DLG2: variants seen among roughly 807,000 people sequenced by gnomAD.
The protein encoded by DLG2 is discs large MAGUK scaffold protein 2.
Under a neutral mutation model 132.5 loss-of-function variants are expected in DLG2, and 45 were observed. The observed-to-expected ratio is 0.34, with a 90% CI of 0.27 to 0.44. The LOEUF (loss-of-function observed/expected upper bound fraction) is 0.44, where lower values mean the gene tolerates loss of function less well. Among genes scored for constraint, DLG2 ranks in the 20% least tolerant of loss-of-function variants. DLG2 has a pLI of 1.00. For missense variants in DLG2, 1,045 were observed against 1,196.9 expected (o/e 0.87, Z 1.87); for synonymous variants, 424 against 419.6 (o/e 1.01, Z -0.13).
At chr11:84,951,281 C>T (rs1340877876) in intron 6 of DLG2, among the ~76,000 whole-genome samples, 1 of 152,120 alleles carries the variant, frequency 6.6e-6, no homozygotes, top group African/African-American at 2.4e-5. Flanking sequence ...GCAAGATCTT[C>T]ATCTTAAAGA....
At chr11:85,611,803 T>G (rs143643701) in intron 2 of DLG2, among the ~76,000 whole-genome samples, 16,186 of 152,264 alleles carry the variant, frequency 0.11, 1,095 homozygotes, top group East Asian at 0.29. Flanking sequence ...ATGGAGTTAT[T>G]GCACTCAGTG....
At chr11:84,031,721 G>A (rs972833463) in intron 11 of DLG2, among the ~76,000 whole-genome samples, 1 of 152,048 alleles carries the variant, frequency 6.6e-6, no homozygotes. Context: ...CAAAAACATA[G>A]TACAGGCCTA....
intron 6 of DLG2, among the ~76,000 whole-genome samples, chr11:84,972,750 A>C (rs1471509456): frequency 8.2e-6 from 1 of 121,510 alleles, no homozygotes; most frequent in Non-Finnish European, 1.7e-5. Context: ...CAGATTTCTT[A>C]AATTTACATC....
chr11:85,101,130 T>C (rs1465453575), intron 6 of DLG2, among the ~76,000 whole-genome samples: 1 of 152,118 alleles, frequency 6.6e-6, no homozygotes, highest in Admixed American at 6.6e-5. Context: ...TTGTTATTGC[T>C]TTTAACACTT....
chr11:85,266,743 T>C (rs2077236942), intron 4 of DLG2, among the ~76,000 whole-genome samples: 2 of 152,210 alleles, frequency 1.3e-5, no homozygotes, highest in African/African-American at 2.4e-5. Flanking sequence ...GTTGAAAGAA[T>C]GAAGAAATAA....
intron 6 of DLG2, among the ~76,000 whole-genome samples, chr11:84,875,511 A>AC (rs1302924026): frequency 6.6e-6 from 1 of 151,898 alleles, no homozygotes; most frequent in Non-Finnish European, 1.5e-5. Context: ...AAAAAAAAAA[A>AC]AACTCCACTG....
At chr11:85,095,148 T>G (rs1274424779) in intron 6 of DLG2, among the ~76,000 whole-genome samples, 1 of 152,138 alleles carries the variant, frequency 6.6e-6, no homozygotes, top group Non-Finnish European at 1.5e-5. Context: ...CCAACCATAA[T>G]AGTAACATTG....
chr11:84,275,595 T>C (rs1203397657), intron 7 of DLG2, among the ~76,000 whole-genome samples: 1 of 152,196 alleles, frequency 6.6e-6, no homozygotes, highest in Non-Finnish European at 1.5e-5. Flanking sequence ...GACCTCGTGA[T>C]CCACCTGCCT....
intron 7 of DLG2, among the ~76,000 whole-genome samples, chr11:84,474,063 G>A (rs920795126): frequency 6.6e-6 from 1 of 151,762 alleles, no homozygotes. Flanking sequence ...TTCCATGTGG[G>A]GTATGACTCT....
chr11:85,115,192 T>C (rs2073392327), intron 5 of DLG2, among the ~76,000 whole-genome samples: 2 of 151,916 alleles, frequency 1.3e-5, no homozygotes, highest in African/African-American at 4.8e-5. Flanking sequence ...ACTCCATGAA[T>C]GGTACGTTAG....
chr11:84,283,043 C>T (rs546616336), intron 7 of DLG2, among the ~76,000 whole-genome samples: 2 of 152,310 alleles, frequency 1.3e-5, no homozygotes, highest in South Asian at 4.1e-4. Context: ...TAATCTCTCT[C>T]CTGTGATAGA....
intron 3 of DLG2, among the ~76,000 whole-genome samples, chr11:85,583,130 G>GTGTGTATGTA (rs1555190569): frequency 7.4e-5 from 1 of 13,598 alleles, no homozygotes; most frequent in East Asian, 3.0e-3. Flanking sequence ...GTGTGTGTGT[G>GTGTGTATGTA]TATATATATA....
intron 3 of DLG2, among the ~76,000 whole-genome samples, chr11:85,522,632 A>T (rs1331549588): frequency 6.6e-6 from 1 of 152,170 alleles, no homozygotes; most frequent in Non-Finnish European, 1.5e-5. Context: ...AGGCCATGGG[A>T]GCCCACCGTT....
intron 3 of DLG2, among the ~76,000 whole-genome samples, chr11:85,567,592 A>G (rs897462718): frequency 1.4e-4 from 21 of 151,608 alleles, no homozygotes; most frequent in African/African-American, 4.8e-4. Context: ...ATTTATTTTT[A>G]CTCCTTCCTT....
At chr11:84,963,119 C>T (rs1213583615) in intron 6 of DLG2, among the ~76,000 whole-genome samples, 2 of 152,120 alleles carry the variant, frequency 1.3e-5, no homozygotes, top group African/African-American at 2.4e-5. Context: ...GTCTAATTAC[C>T]TTTCACAACT....
intron 3 of DLG2, among the ~76,000 whole-genome samples, chr11:85,296,634 CT>C (rs1384953973): frequency 2.0e-5 from 3 of 151,282 alleles, no homozygotes; most frequent in Non-Finnish European, 4.4e-5. Flanking sequence ...ATTAATAAAT[CT>C]AATATCAACT....
At chr11:85,626,100 C>G (rs1183533697) in intron 2 of DLG2, among the ~76,000 whole-genome samples, 2 of 152,224 alleles carry the variant, frequency 1.3e-5, no homozygotes, top group East Asian at 3.8e-4. Context: ...AAGATTTACA[C>G]TAGAATAAAT....
chr11:84,206,409 G>C (rs2096666059), intron 8 of DLG2, among the ~76,000 whole-genome samples: 2 of 152,082 alleles, frequency 1.3e-5, no homozygotes, highest in Admixed American at 1.3e-4. Context: ...GCCAGGGTTA[G>C]TCTGATAATA....
At chr11:84,939,385 C>A (rs2049119765) in intron 6 of DLG2, among the ~76,000 whole-genome samples, 1 of 151,994 alleles carries the variant, frequency 6.6e-6, no homozygotes, top group Admixed American at 6.6e-5. Context: ...AAGGATTTAT[C>A]AATTCTTTGT....
Sources: allele counts gnomAD v4.1 joint callset (sites outside exome capture counted in the v4.1 genomes callset), GRCh38; gene constraint gnomAD v4.1.1; transcripts MANE v1.5; gene names NCBI Gene and HGNC (gene_info 2026-07-23, HGNC 2026-07-21).